Variants in WDR17 observed in about 807,000 individuals in gnomAD.
WDR17 encodes WD repeat domain 17, also known as WD repeat-containing protein 17.
Under a neutral mutation model 161.7 loss-of-function variants are expected in WDR17, and 143 were observed. The observed-to-expected ratio is 0.88, with a 90% CI of 0.77 to 1.02. The LOEUF is 1.02. Ranked by LOEUF, WDR17 falls within the 50% of genes least tolerant of loss-of-function variation. The pLI is 0.00. For synonymous variants in WDR17, 517 were observed against 515.6 expected (o/e 1.00, Z -0.04); for missense variants, 1,469 against 1,520.9 (o/e 0.97, Z 0.57).
At chr4:176,097,630 A>C (rs1324023039) in intron 1 of WDR17, among the ~76,000 whole-genome samples, 1 of 151,782 alleles carries the variant, frequency 6.6e-6, no homozygotes, top group Non-Finnish European at 1.5e-5. Flanking sequence ...AGAGTTAATG[A>C]GCAGTTTTCC....
intron 8 of WDR17, among the ~76,000 whole-genome samples, chr4:176,137,063 G>T (rs2126776092): frequency 6.6e-6 from 1 of 151,458 alleles, no homozygotes; most frequent in Non-Finnish European, 1.5e-5. Context: ...TTTTTCCTGT[G>T]ATCTGTTCAT....
chr4:176,149,091 C>A (rs1267853002), intron 13 of WDR17, among the ~76,000 whole-genome samples: 1 of 152,122 alleles, frequency 6.6e-6, no homozygotes, highest in Non-Finnish European at 1.5e-5. Flanking sequence ...AACTCTTCAT[C>A]TTTTAACTAG....
At chr4:176,140,956 G>A (rs1470412787) in intron 10 of WDR17, among the ~76,000 whole-genome samples, 1 of 152,268 alleles carries the variant, frequency 6.6e-6, no homozygotes, top group Non-Finnish European at 1.5e-5. Context: ...ATCACTTTCA[G>A]TGACTAAACA....
intron 9 of WDR17, among the ~76,000 whole-genome samples, chr4:176,137,818 A>G (rs1744659127): frequency 6.6e-6 from 1 of 151,652 alleles, no homozygotes; most frequent in Non-Finnish European, 1.5e-5. Flanking sequence ...TGCAGTAGAG[A>G]GTCAAAGGAA....
In WDR17 at chr4:176,119,965, G is replaced by C; in HGVS notation, c.406G>C (p.Asp136His). Residue 136 changes from aspartate to histidine, a missense_variant, in exon 4 of 29, where the codon GAT (aspartate) becomes CAT (histidine). Asp to His is a moderately conservative substitution (Grantham distance 81). Transcript: ENST00000508596. ...GTTCATTTGGACCATCTCAGGACCA[G>C]ATAGTGGAGTGATTGTACACAAAGA... ...PLFIWTISGP[D>H]SGVIVHKDAH... The C allele has an allele frequency of 6.2e-7, 1 of 1,614,058 alleles. No individual in the cohort carries two copies. Among genetic ancestry groups the C allele is most frequent in the Non-Finnish European group, 8.5e-7 (1 of 1,179,994 alleles).
chr4:176,178,158 C>A (rs75795864), intron 28 of WDR17, among the ~76,000 whole-genome samples: 1,765 of 152,060 alleles, frequency 0.012, 31 homozygotes, highest in African/African-American at 0.041. Context: ...TTTGTCATAG[C>A]CACCCAAAAT....
chr4:176,080,201 T>G (rs554829236), intron 1 of WDR17, among the ~76,000 whole-genome samples: 160 of 151,860 alleles, frequency 1.1e-3, no homozygotes, highest in African/African-American at 3.6e-3. Flanking sequence ...CATCATAAGT[T>G]TTTTTTTAAT....
chr4:176,135,085 A>G, intron 7 of WDR17, 23 bp from the exon 8 acceptor site: 2 of 1,607,304 alleles, frequency 1.2e-6, no homozygotes, highest in Non-Finnish European at 1.7e-6. Context: ...AATAATTATG[A>G]CTTTTTTATG....
intron 17 of WDR17, among the ~76,000 whole-genome samples, chr4:176,155,716 A>AATATATATATATATATATATATATAT (rs113370958): frequency 8.4e-5 from 11 of 130,284 alleles, no homozygotes; most frequent in Admixed American, 3.1e-4. Flanking sequence ...GACTAATTAA[A>AATATATATATATATATATATATATAT]ATATATATAT....
rs202175462 is a variant in WDR17 at position 176,148,181 on chromosome 4, T to G, written c.1743T>G (p.Leu581=). 1 of 1,614,034 alleles carries G rather than the reference T, an allele frequency of 6.2e-7. No individual in the cohort carries two copies. Among genetic ancestry groups the G allele is most frequent in the African/African-American group, 1.3e-5 (1 of 75,048 alleles). The change falls in exon 13 of 29, where the codon CTT becomes CTG. Residue 581 remains leucine (L), a synonymous_variant. Transcript: ENST00000508596. The stretch of plus-strand genomic sequence containing the variant: ...CTCAGGATGCTTGCATCAATATTCT[T>G]AATGGACACACTGCACCTGTGAGAG... The part of the protein sequence containing the change: ...DYTQDACINI[L]NGHTAPVRGL...
chr4:176,115,703 G>T (rs1226373173), intron 2 of WDR17, 93 bp from the exon 3 acceptor site: 2 of 963,272 alleles, frequency 2.1e-6, no homozygotes, highest in African/African-American at 1.7e-5. Flanking sequence ...TAATTTTCCT[G>T]TATGTAGCTT....
At chr4:176,167,884 T>C (rs1033551016) in intron 22 of WDR17, among the ~76,000 whole-genome samples, 1 of 150,130 alleles carries the variant, frequency 6.7e-6, no homozygotes, top group Non-Finnish European at 1.5e-5. Flanking sequence ...CGGTGGCTCA[T>C]GCCTGTAATC....
intron 17 of WDR17, among the ~76,000 whole-genome samples, chr4:176,153,079 C>T (rs901106142): frequency 2.0e-5 from 3 of 152,158 alleles, no homozygotes; most frequent in Non-Finnish European, 4.4e-5. Context: ...GCATGTCTCA[C>T]CTCAGACCTA....
chr4:176,075,808 A>G (rs1733890428), intron 1 of WDR17, among the ~76,000 whole-genome samples: 1 of 151,904 alleles, frequency 6.6e-6, no homozygotes, highest in Non-Finnish European at 1.5e-5. Context: ...CTATGTCTAC[A>G]AAAAAGAAAA....
intron 1 of WDR17, among the ~76,000 whole-genome samples, chr4:176,092,564 G>A (rs1579023685): frequency 6.6e-6 from 1 of 152,078 alleles, no homozygotes; most frequent in African/African-American, 2.4e-5. Context: ...GGGATAAACG[G>A]CATCCAAGTT....
chr4:176,105,783 A>G (rs73874927), intron 1 of WDR17, among the ~76,000 whole-genome samples: 4,461 of 152,204 alleles, frequency 0.029, 211 homozygotes, highest in African/African-American at 0.1. Context: ...CAAATTAGCA[A>G]CCTATTTTTA....
chr4:176,073,462 T>C (rs201435665), intron 1 of WDR17, among the ~76,000 whole-genome samples: 77,748 of 149,750 alleles, frequency 0.52, 21,611 homozygotes, highest in South Asian at 0.63. Context: ...GCATAGTATT[T>C]CATGGTGTAT....
chr4:176,167,632 G>T (rs1335419802), intron 22 of WDR17, among the ~76,000 whole-genome samples: 1 of 94,446 alleles, frequency 1.1e-5, no homozygotes, highest in East Asian at 3.8e-4. Context: ...GGGCGACAGC[G>T]AGACTCCGTC....
At chr4:176,098,579 A>C (rs577492478) in intron 1 of WDR17, among the ~76,000 whole-genome samples, 168 of 152,124 alleles carry the variant, frequency 1.1e-3, no homozygotes, top group Middle Eastern at 3.4e-3. Flanking sequence ...CTACAAAGAT[A>C]ACAAAAGGTT....
Sources: allele counts gnomAD v4.1 joint callset (sites outside exome capture counted in the v4.1 genomes callset), GRCh38; gene constraint gnomAD v4.1.1; transcripts MANE v1.5; gene names NCBI Gene and HGNC (gene_info 2026-07-23, HGNC 2026-07-21).